The following TRARG1 variants were observed in gnomAD, a reference collection of about 807,000 sequenced individuals.
TRARG1 encodes the protein trafficking regulator of GLUT4 1.
A neutral mutation model predicts 13.3 loss-of-function variants in TRARG1; 16 were observed. The ratio of observed to expected loss-of-function variants is 1.20; its 90% CI spans 0.81 to 1.83. TRARG1 has a LOEUF of 1.83. Ranked by LOEUF, TRARG1 falls within the 40% of genes most tolerant of loss-of-function variation. The pLI is 0.00. For missense variants in TRARG1, 250 were observed against 237.4 expected (o/e 1.05, Z -0.35); for synonymous variants, 113 against 106.2 (o/e 1.06, Z -0.39).
chr17:1,293,208 C>G (rs573258588), intron 1 of TRARG1, among the ~76,000 whole-genome samples: 3 of 144,468 alleles, frequency 2.1e-5, no homozygotes, highest in Non-Finnish European at 3.0e-5. Context: ...GGCTTGAACC[C>G]GGGAGGTGGA....
At chr17:1,284,722 C>T (rs1056181374) in intron 1 of TRARG1, among the ~76,000 whole-genome samples, 1 of 151,792 alleles carries the variant, frequency 6.6e-6, no homozygotes, top group Non-Finnish European at 1.5e-5. Flanking sequence ...GCTCTGTCGC[C>T]CAGGCTGGAG....
intron 1 of TRARG1, among the ~76,000 whole-genome samples, chr17:1,291,365 C>A (rs2072068204): frequency 6.6e-6 from 1 of 152,234 alleles, no homozygotes; most frequent in African/African-American, 2.4e-5. Flanking sequence ...CCTGCCTCGG[C>A]CTCCCAAACT....
intron 1 of TRARG1, 48 bp downstream of exon 1, chr17:1,280,436 G>C (rs367799465): frequency 6.6e-6 from 10 of 1,508,664 alleles, no homozygotes; most frequent in Non-Finnish European, 8.0e-6. Flanking sequence ...CCCAGGGGTC[G>C]GCAGGTGTTT....
rs375213755 is a variant in TRARG1, at chr17:1,280,177, G to T, written c.176G>T (p.Gly59Val). The stretch of plus-strand genomic sequence containing the variant: ...CTGGATCTGGAGCAGAACAGCCAGG[G>T]CCTACCCTTCAAGGCCATCTCCGAG... Reference protein sequence around the residue: ...GPLDLEQNSQGLPFKAISEGH... With the variant: ...GPLDLEQNSQVLPFKAISEGH... The change falls in exon 1 of 3, where the codon GGC becomes GTC. Residue 59 changes from glycine to valine, a missense_variant. Coordinates refer to ENST00000333813, the MANE Select transcript of TRARG1 (RefSeq NM_172367.3). 1 of 1,613,906 alleles carries T rather than the reference G, an allele frequency of 6.2e-7. No individual in the cohort carries two copies. Among genetic ancestry groups the T allele is most frequent in the Non-Finnish European group, 8.5e-7 (1 of 1,179,992 alleles).
intron 2 of TRARG1, among the ~76,000 whole-genome samples, chr17:1,296,549 T>C (rs541659129): frequency 1.3e-5 from 2 of 148,676 alleles, no homozygotes; most frequent in African/African-American, 5.0e-5. Flanking sequence ...TCTCATTCTG[T>C]TGCCCAGGCT....
intron 1 of TRARG1, among the ~76,000 whole-genome samples, chr17:1,284,448 G>A (rs1226663900): frequency 6.6e-6 from 1 of 152,198 alleles, no homozygotes; most frequent in East Asian, 1.9e-4. Context: ...AGGGGTTGGA[G>A]GGGATGAGGC....
rs185231413 is a variant in TRARG1 at position 1,300,234 on chromosome 17, C to T, written c.*1970C>T. ...CGATGGAACTGGCCACGCACAGGCT[C>T]TGGCTCTGGAAGGAGGGATGATGAG... On this transcript the variant is annotated 3_prime_UTR_variant, in exon 3 of 3. Coordinates refer to ENST00000333813, the MANE Select transcript of TRARG1 (RefSeq NM_172367.3). 2 of 152,418 alleles carry T rather than the reference C, an allele frequency of 1.3e-5. No individual in the cohort carries two copies. The highest frequency in any genetic ancestry group is 2.1e-4 in the South Asian group (1 of 4,830). 9.4% of individuals were successfully genotyped at this position (152,418 alleles called of 1,614,324 possible).
intron 1 of TRARG1, among the ~76,000 whole-genome samples, chr17:1,293,077 G>T (rs1393439237): frequency 6.6e-6 from 1 of 152,064 alleles, no homozygotes; most frequent in African/African-American, 2.4e-5. Context: ...CATGAGGTCA[G>T]GAGATCGAGA....
chr17:1,282,005 C>CACATATGTACATAT (rs770129156), intron 1 of TRARG1, among the ~76,000 whole-genome samples: 2 of 149,734 alleles, frequency 1.3e-5, no homozygotes, highest in Admixed American at 1.3e-4. Flanking sequence ...TACAGATATA[C>CACATATGTACATAT]ACATATGTAC....
At position 1,295,290 on chromosome 17, in the gene TRARG1, G is replaced by A. The variant is rs377342554; in HGVS notation, c.388-201G>A. Reference sequence around the variant, plus strand: ...TGTCCCCAGCTGGTGAGGGACAGGCGTGGTTAGGGGTCTGCACAAGAGGCC... The same window carrying A: ...TGTCCCCAGCTGGTGAGGGACAGGCATGGTTAGGGGTCTGCACAAGAGGCC... On this transcript the variant is annotated intron_variant, in intron 1 of 2. Transcript: ENST00000333813. Among the ~76,000 whole-genome samples the A allele has an allele frequency of 1.5e-3, 225 of 152,332 alleles. 2 individuals are homozygous for A. The highest frequency in any genetic ancestry group is 3.5e-3 in the South Asian group (17 of 4,828).
intron 1 of TRARG1, among the ~76,000 whole-genome samples, chr17:1,292,591 C>T (rs1032932907): frequency 6.6e-6 from 1 of 152,224 alleles, no homozygotes; most frequent in East Asian, 1.9e-4. Flanking sequence ...TTTTGAACAT[C>T]TACACATTTG....
rs1036141669 is a variant in TRARG1, at chr17:1,299,180, T to G, written c.*916T>G. Reference sequence around the variant, plus strand: ...GGTGCAAGCTTGGGGCTCCGTCTGGTGCTGCTTAGGTAGTTTCAGGCTTCC... The same window carrying G: ...GGTGCAAGCTTGGGGCTCCGTCTGGGGCTGCTTAGGTAGTTTCAGGCTTCC... On this transcript the variant is annotated 3_prime_UTR_variant, in exon 3 of 3. Coordinates refer to ENST00000333813, the MANE Select transcript of TRARG1 (RefSeq NM_172367.3). 1.3e-5 allele frequency: 2 copies of G among 152,382 alleles called. No individual in the cohort carries two copies. The highest frequency in any genetic ancestry group is 4.8e-5 in the African/African-American group (2 of 41,452). 9.4% of individuals were successfully genotyped at this position (152,382 alleles called of 1,614,324 possible). A position where few individuals can be genotyped will look rare whatever the true frequency, so the allele number is the denominator to read the frequency against.
At chr17:1,296,431 G>T (rs903677331) in intron 2 of TRARG1, among the ~76,000 whole-genome samples, 1 of 151,582 alleles carries the variant, frequency 6.6e-6, no homozygotes, top group Non-Finnish European at 1.5e-5. Context: ...CTGACCTCAG[G>T]TTATCCACCC....
At chr17:1,294,201 T>A (rs2072094260) in intron 1 of TRARG1, among the ~76,000 whole-genome samples, 1 of 151,954 alleles carries the variant, frequency 6.6e-6, no homozygotes. Context: ...GGGCTCCACC[T>A]CCTACCAAGT....
intron 1 of TRARG1, among the ~76,000 whole-genome samples, chr17:1,287,963 A>G (rs72816267): frequency 2.6e-5 from 4 of 151,650 alleles, no homozygotes; most frequent in Non-Finnish European, 4.4e-5. Context: ...CTCTCATCCA[A>G]TTTCTAAGAA....
intron 1 of TRARG1, among the ~76,000 whole-genome samples, chr17:1,282,177 CGTG>C (rs1567928072): frequency 7.0e-6 from 1 of 143,266 alleles, no homozygotes; most frequent in African/African-American, 2.8e-5. Flanking sequence ...TACGTATACA[CGTG>C]CGTATATGTA....
At position 1,279,903 on chromosome 17, in the gene TRARG1, C is replaced by T. The variant is rs931550458; in HGVS notation, c.-99C>T. 9 of 1,423,816 alleles carry T rather than the reference C, an allele frequency of 6.3e-6. No individual in the cohort carries two copies. The Admixed American group carries it at 2.1e-4, about 33-fold the overall frequency. 88.2% of individuals were successfully genotyped at this position (1,423,816 alleles called of 1,614,324 possible). On this transcript the variant is annotated 5_prime_UTR_variant, in exon 1 of 3. Transcript: ENST00000333813. ...CCTGAGGGACGCCCCTGCCCCCGAC[C>T]TGGAGGCCCTCAGTCTGGGCTGGGG...
rs529329743 is a variant in TRARG1 at position 1,299,421 on chromosome 17, C to G, written c.*1157C>G. On this transcript the variant is annotated 3_prime_UTR_variant, in exon 3 of 3. Coordinates refer to ENST00000333813, the MANE Select transcript of TRARG1 (RefSeq NM_172367.3). ...TCCTGAGACCGAGGGAAGGGCTCAG[C>G]TGAAGGACCCCGTCTGCAGGAGAGT... 2.0e-5 allele frequency: 3 copies of G among 152,360 alleles called. No individual in the cohort carries two copies. Among genetic ancestry groups the G allele is most frequent in the Non-Finnish European group, 4.4e-5 (3 of 68,070 alleles). 9.4% of individuals were successfully genotyped at this position (152,360 alleles called of 1,614,324 possible).
intron 1 of TRARG1, among the ~76,000 whole-genome samples, chr17:1,285,970 G>A (rs2072016822): frequency 6.6e-6 from 1 of 152,184 alleles, no homozygotes. Flanking sequence ...GAGCATGGAA[G>A]CATCCACTGC....
Sources: allele counts gnomAD v4.1 joint callset (sites outside exome capture counted in the v4.1 genomes callset), GRCh38; gene constraint gnomAD v4.1.1; transcripts MANE v1.5; gene names NCBI Gene and HGNC (gene_info 2026-07-23, HGNC 2026-07-21).